Variants in SORT1 observed in about 807,000 individuals in gnomAD.
SORT1 encodes the protein sortilin.
Under a neutral mutation model 101.7 loss-of-function variants are expected in SORT1, and 39 were observed. That is an observed-to-expected ratio of 0.38 (90% confidence interval 0.30 to 0.50). SORT1 has a LOEUF of 0.50. SORT1 is among the 20% of genes least tolerant of loss of function. The pLI is 0.90. For synonymous variants in SORT1, 396 were observed against 393.7 expected (o/e 1.01, Z -0.07); for missense variants, 878 against 1,040.4 (o/e 0.84, Z 2.15).
At chr1:109,340,409 G>A (rs1339254545) in intron 10 of SORT1, among the ~76,000 whole-genome samples, 2 of 152,128 alleles carry the variant, frequency 1.3e-5, no homozygotes, top group African/African-American at 2.4e-5. Flanking sequence ...GTGACTGGGT[G>A]GGGAACGAGG....
intron 9 of SORT1, 82 bp downstream of exon 9, chr1:109,341,932 G>A: frequency 1.5e-6 from 2 of 1,350,674 alleles, no homozygotes; most frequent in Non-Finnish European, 2.1e-6. Flanking sequence ...GGGGTAAGAG[G>A]AAAACTCGAC....
intron 11 of SORT1, among the ~76,000 whole-genome samples, chr1:109,332,940 T>A (rs1376126651): frequency 3.3e-5 from 5 of 152,160 alleles, no homozygotes; most frequent in Non-Finnish European, 7.3e-5. Context: ...CCTTCTTTCT[T>A]TTTTTTGAGA....
chr1:109,385,507 G>A (rs960229849), intron 1 of SORT1, among the ~76,000 whole-genome samples: 1 of 152,128 alleles, frequency 6.6e-6, no homozygotes, highest in Non-Finnish European at 1.5e-5. Context: ...GCATTTAATT[G>A]TTATATCTTA....
rs139423683 is a variant in SORT1 at position 109,344,254 on chromosome 1, CCT to C, written c.963+1495_963+1496del. Among the ~76,000 whole-genome samples the C allele has an allele frequency of 4.5e-3, 688 of 152,294 alleles. 6 individuals are homozygous for C. The highest frequency in any genetic ancestry group is 0.015 in the African/African-American group (637 of 41,564). On this transcript the variant is annotated intron_variant, in intron 8 of 19. Transcript: ENST00000256637. ...CGCTCCCGCTGCTTCTGCGCGTGCCCCTGTCAGGCTGTTCTGCGCACACCTAT... is the reference window on the plus strand; with the variant it reads ...CGCTCCCGCTGCTTCTGCGCGTGCCCGTCAGGCTGTTCTGCGCACACCTAT...
At chr1:109,358,110 A>T (rs1650454878) in intron 3 of SORT1, among the ~76,000 whole-genome samples, 1 of 152,228 alleles carries the variant, frequency 6.6e-6, no homozygotes, top group African/African-American at 2.4e-5. Context: ...CCTTCAAAAA[A>T]AGAAACCAGC....
At chr1:109,346,517 G>T (rs975240263) in intron 7 of SORT1, among the ~76,000 whole-genome samples, 2 of 151,816 alleles carry the variant, frequency 1.3e-5, no homozygotes, top group Non-Finnish European at 1.5e-5. Flanking sequence ...AGGCCGAGCC[G>T]GGTGGATCAC....
At position 109,354,429 on chromosome 1, in the gene SORT1, G is replaced by T; in HGVS notation, c.646C>A (p.Pro216Thr). The change falls in exon 5 of 20, where the codon CCT becomes ACT. Residue 216 changes from proline (P) to threonine (T), a missense_variant. Around this residue, in one of 2 missense-constraint regions of SORT1, gnomAD observed 684 missense variants for 894.5 expected, o/e 0.76. Coordinates refer to ENST00000256637, the MANE Select transcript of SORT1 (RefSeq NM_002959.7). ...GGGCTATACATCATCTGAGTGAGAG[G>T]ATGAAAAGGGAGATCTGTTTGCACA... Reference protein sequence around the residue: ...NFVQTDLPFHPLTQMMYSPQN... With the variant: ...NFVQTDLPFHTLTQMMYSPQN... 2 of 1,613,252 alleles carry T rather than the reference G, an allele frequency of 1.2e-6. No individual in the cohort carries two copies. The highest frequency in any genetic ancestry group is 1.7e-6 in the Non-Finnish European group (2 of 1,179,232).
At chr1:109,360,495 ATTTTTTT>A (rs774193343) in intron 3 of SORT1, among the ~76,000 whole-genome samples, 18 of 132,176 alleles carry the variant, frequency 1.4e-4, no homozygotes, top group African/African-American at 3.6e-4. Flanking sequence ...ACCACACTCA[ATTTTTTT>A]TTTTTTTTTT....
chr1:109,380,813 CAAAAAAAAAAAAAA>C (rs60568166), intron 1 of SORT1, among the ~76,000 whole-genome samples: 4 of 49,220 alleles, frequency 8.1e-5, no homozygotes, highest in East Asian at 1.2e-3. Context: ...CCTGTCGCCA[CAAAAAAAAAAAAAA>C]AAAAAAAAAA....
chr1:109,342,065 T>C lies in SORT1; in HGVS notation c.1057A>G (p.Ile353Val). 1 of 1,613,906 alleles carries C rather than the reference T, an allele frequency of 6.2e-7. No homozygotes were observed. The highest frequency in any genetic ancestry group is 8.5e-7 in the Non-Finnish European group (1 of 1,179,944). The change falls in exon 9 of 20, where the codon ATT becomes GTT. Residue 353 changes from isoleucine to valine, a missense_variant. Transcript: ENST00000256637. ...PSVGQEQFYS[I>V]LAANDDMVFM... Reference sequence around the variant, plus strand: ...ACCATGTCATCATTTGCTGCCAGAATAGAATAGAACTGTTCCTGTCCCACG... The same window carrying C: ...ACCATGTCATCATTTGCTGCCAGAACAGAATAGAACTGTTCCTGTCCCACG...
intron 18 of SORT1, 27 bp from the exon 19 acceptor site, chr1:109,314,411 C>A (rs369916382): frequency 9.9e-6 from 16 of 1,611,748 alleles, no homozygotes; most frequent in Admixed American, 6.7e-5. Context: ...CCTTAACACT[C>A]GGTGGTACAC....
At position 109,343,985 on chromosome 1, in the gene SORT1, C is replaced by T. The variant is rs1444422658; in HGVS notation, c.963+1766G>A. On this transcript the variant is annotated intron_variant, in intron 8 of 19. Transcript: ENST00000256637. ...TTCTTGATTTTTCTCCCACAACCTG[C>T]TCCTCCTGCAGTCTTTGCCATCCTA... is the stretch of plus-strand genomic sequence containing the variant. Among the ~76,000 whole-genome samples, 3 of 152,330 alleles carry T rather than the reference C, an allele frequency of 2.0e-5. No individual in the cohort carries two copies. In the East Asian group the frequency reaches 5.8e-4, roughly 29 times the overall value.
intron 13 of SORT1, chr1:109,326,717 A>G (rs912014027): frequency 3.4e-5 from 8 of 233,548 alleles, no homozygotes; most frequent in African/African-American, 1.8e-4. Context: ...TGGCCTCCCA[A>G]AATGCTGGGA....
intron 1 of SORT1, among the ~76,000 whole-genome samples, chr1:109,376,931 A>G (rs368153820): frequency 6.6e-6 from 1 of 152,314 alleles, no homozygotes; most frequent in African/African-American, 2.4e-5. Flanking sequence ...GCACTTGTCC[A>G]TTGCTCCTCA....
chr1:109,344,407 C>A (rs1163647376), intron 8 of SORT1, among the ~76,000 whole-genome samples: 1 of 152,182 alleles, frequency 6.6e-6, no homozygotes, highest in East Asian at 1.9e-4. Flanking sequence ...TCTGGCCAGG[C>A]CCCCTCTGGC....
chr1:109,331,655 T>C (rs1648460661), intron 11 of SORT1, among the ~76,000 whole-genome samples: 1 of 152,108 alleles, frequency 6.6e-6, no homozygotes, highest in Non-Finnish European at 1.5e-5. Flanking sequence ...TTCTGTTCAT[T>C]ATAGTAATGG....
At chr1:109,354,340 C>T (rs1388047620) in intron 5 of SORT1, 27 bp downstream of exon 5, 1 of 1,593,542 alleles carries the variant, frequency 6.3e-7, no homozygotes, top group East Asian at 2.2e-5. Context: ...ATGCAAAAGG[C>T]AAACCATGTT....
chr1:109,364,080 CAAAA>C (rs1557812179), intron 3 of SORT1, among the ~76,000 whole-genome samples: 1 of 151,216 alleles, frequency 6.6e-6, no homozygotes, highest in South Asian at 2.1e-4. Context: ...GTTAAACAAA[CAAAA>C]AAAGAAACAA....
At chr1:109,318,010 G>A (rs1260917228) in intron 15 of SORT1, 41 bp from the exon 16 acceptor site, 13 of 1,300,138 alleles carry the variant, frequency 1.0e-5, no homozygotes, top group Non-Finnish European at 1.5e-5. Flanking sequence ...AAAGCAGCTG[G>A]AAGACCGTTA....
Sources: gnomAD v4.1 joint callset for allele counts (sites outside exome capture counted in the v4.1 genomes callset) on GRCh38, gnomAD v4.1.1 for gene constraint, gnomAD v4.1.1 regional missense constraint, MANE v1.5 for transcripts, NCBI Gene and HGNC (gene_info 2026-07-23, HGNC 2026-07-21) for gene names.